The following ZNF518A variants were observed in gnomAD, a reference collection of about 807,000 sequenced individuals.
ZNF518A encodes zinc finger protein 518.
ZNF518A carries 47 observed loss-of-function variants against 102.7 expected under a neutral mutation model. The observed-to-expected ratio is 0.46, with a 90% CI of 0.36 to 0.58. The LOEUF (loss-of-function observed/expected upper bound fraction) is 0.58. Among genes scored for constraint, ZNF518A ranks in the 20% least tolerant of loss-of-function variants. The pLI is 0.00. For missense variants in ZNF518A, 1,793 were observed against 1,699.8 expected (o/e 1.05, Z -0.96); for synonymous variants, 652 against 594.6 (o/e 1.10, Z -1.40).
intron 1 of ZNF518A, among the ~76,000 whole-genome samples, chr10:96,184,903 G>A (rs1283521482): frequency 6.6e-6 from 1 of 152,140 alleles, no homozygotes; most frequent in African/African-American, 2.4e-5. Context: ...GTGTCTTCCA[G>A]CTAGGTTCCA....
chr10:96,204,390 T>C, downstream of ZNF518A: 1 of 1,015,192 alleles, frequency 9.9e-7, no homozygotes, highest in South Asian at 1.3e-5. Flanking sequence ...GCTCAACACC[T>C]TTTAACACGT....
At chr10:96,138,782 G>C (rs1027443061) in intron 3 of ZNF518A, among the ~76,000 whole-genome samples, 1 of 152,136 alleles carries the variant, frequency 6.6e-6, no homozygotes, top group Non-Finnish European at 1.5e-5. Flanking sequence ...ACATGCTGGT[G>C]ATGTAGTAAA....
At chr10:96,188,355 C>G (rs187492363) in intron 1 of ZNF518A, among the ~76,000 whole-genome samples, 14 of 152,250 alleles carry the variant, frequency 9.2e-5, no homozygotes, top group Middle Eastern at 3.4e-3. Context: ...AGCCTCTGCT[C>G]CAAGAAATCC....
Position 96,158,293 on chromosome 10 carries a change from A to G in ZNF518A, c.1971A>G (p.Thr657=), listed in dbSNP as rs782719244. The G allele has an allele frequency of 5.0e-6, 8 of 1,613,720 alleles. No homozygotes were observed. The highest frequency in any genetic ancestry group is 1.6e-4 in the Middle Eastern group (1 of 6,062). ...ATAAACGTCGTAGGTTTTCAGGAACAGCAGTGTATGAAAACCCTCAAAGAG... is the reference window on the plus strand; with the variant it reads ...ATAAACGTCGTAGGTTTTCAGGAACGGCAGTGTATGAAAACCCTCAAAGAG... ...NSNKRRRFSG[T]AVYENPQRES... Residue 657 remains threonine, a synonymous_variant, in exon 6 of 6, where the codon ACA becomes ACG. Coordinates refer to ENST00000316045, the MANE Select transcript of ZNF518A (RefSeq NM_001330736.2).
At chr10:96,184,262 C>T (rs2083257903) in intron 1 of ZNF518A, among the ~76,000 whole-genome samples, 1 of 151,790 alleles carries the variant, frequency 6.6e-6, no homozygotes, top group Admixed American at 6.6e-5. Flanking sequence ...TCCAATTTGC[C>T]AGTCTGTGTC....
intron 3 of ZNF518A, among the ~76,000 whole-genome samples, chr10:96,140,672 T>G (rs2081873463): frequency 6.6e-6 from 1 of 152,088 alleles, no homozygotes; most frequent in Admixed American, 6.6e-5. Flanking sequence ...GGCTTATGTC[T>G]GTAGTCTCAG....
At chr10:96,177,042 G>T (rs1554891555) in intron 1 of ZNF518A, among the ~76,000 whole-genome samples, 1 of 147,020 alleles carries the variant, frequency 6.8e-6, no homozygotes, top group East Asian at 2.0e-4. Flanking sequence ...ATGCCACACT[G>T]CACTCCAGCC....
In ZNF518A at chr10:96,160,183, A is replaced by T. The variant is rs782455632; in HGVS notation, c.3861A>T (p.Glu1287Asp). The change falls in exon 6 of 6, where the codon GAA becomes GAT. Residue 1287 changes from glutamate (E) to aspartate (D), a missense_variant. Transcript: ENST00000316045. ...GAAAGTGTAGGGATAGTTACCAAGAACCTCCAAGAAGAAAAGCAACATTGC... is the reference window on the plus strand; with the variant it reads ...GAAAGTGTAGGGATAGTTACCAAGATCCTCCAAGAAGAAAAGCAACATTGC... ...CKRKCRDSYQ[E>D]PPRRKATLHR... The T allele has an allele frequency of 9.3e-6, 15 of 1,609,010 alleles. No individual in the cohort carries two copies. Among genetic ancestry groups the T allele is most frequent in the South Asian group, 4.4e-5 (4 of 90,246 alleles).
intron 1 of ZNF518A, among the ~76,000 whole-genome samples, chr10:96,187,136 T>C (rs1372522230): frequency 6.6e-6 from 1 of 152,224 alleles, no homozygotes; most frequent in Admixed American, 6.5e-5. Context: ...AGAGAAAATA[T>C]TTGAGATTTT....
intron 3 of ZNF518A, among the ~76,000 whole-genome samples, chr10:96,154,264 G>T (rs2082588697): frequency 1.3e-5 from 2 of 152,294 alleles, no homozygotes; most frequent in South Asian, 4.1e-4. Flanking sequence ...AGCCTGGGGA[G>T]GTCAAGCCTG....
intron 1 of ZNF518A, among the ~76,000 whole-genome samples, chr10:96,179,815 T>TCTCTTTCTCCTTCTCCTCCTC (rs2083228023): frequency 6.6e-6 from 1 of 150,700 alleles, no homozygotes; most frequent in Admixed American, 6.6e-5. Context: ...CTCTCCTCCT[T>TCTCTTTCTCCTTCTCCTCCTC]CTCTTTCTCC....
In ZNF518A at chr10:96,160,865, AG is replaced by A. The variant is rs2082972792; in HGVS notation, c.*92del. On this transcript the variant is annotated 3_prime_UTR_variant, in exon 6 of 6. Coordinates refer to ENST00000316045, the MANE Select transcript of ZNF518A (RefSeq NM_001330736.2). Reference sequence around the variant, plus strand: ...CCATAATGCAGACATTTTCTACTTCAGTATAGTACCTGAAATCGAACATTTT... The same window carrying A: ...CCATAATGCAGACATTTTCTACTTCATATAGTACCTGAAATCGAACATTTT... 5 of 1,288,046 alleles carry A rather than the reference AG, an allele frequency of 3.9e-6. No homozygotes were observed. Among genetic ancestry groups the A allele is most frequent in the Non-Finnish European group, 5.1e-6 (5 of 972,802 alleles). 79.8% of individuals were successfully genotyped at this position (1,288,046 alleles called of 1,614,324 possible). A position where few individuals can be genotyped will look rare whatever the true frequency, so the allele number is the denominator to read the frequency against.
intron 1 of ZNF518A, among the ~76,000 whole-genome samples, chr10:96,199,038 T>A (rs1272901767): frequency 1.3e-5 from 2 of 152,214 alleles, no homozygotes; most frequent in Non-Finnish European, 2.9e-5. Flanking sequence ...CAGGGAATAA[T>A]GTAAACACGA....
chr10:96,155,107 A>G (rs1554881736), intron 3 of ZNF518A, among the ~76,000 whole-genome samples: 1 of 152,208 alleles, frequency 6.6e-6, no homozygotes, highest in Non-Finnish European at 1.5e-5. Flanking sequence ...TTCTAATAAT[A>G]CAGTTTGATA....
intron 1 of ZNF518A, among the ~76,000 whole-genome samples, chr10:96,170,038 C>T (rs1165159257): frequency 1.3e-5 from 2 of 152,236 alleles, no homozygotes; most frequent in African/African-American, 2.4e-5. Flanking sequence ...AGGTGGCTTA[C>T]AACTCTGCCT....
downstream of ZNF518A, among the ~76,000 whole-genome samples, chr10:96,166,482 C>T (rs1489750301): frequency 6.6e-6 from 1 of 152,072 alleles, no homozygotes; most frequent in African/African-American, 2.4e-5. Context: ...AAGAAAGGAT[C>T]AGGGAGGCCA....
At chr10:96,181,985 C>T (rs1410972533) in intron 1 of ZNF518A, among the ~76,000 whole-genome samples, 2 of 152,126 alleles carry the variant, frequency 1.3e-5, no homozygotes, top group Non-Finnish European at 2.9e-5. Flanking sequence ...AATGTTCTTC[C>T]ATTTGTTTGT....
At chr10:96,180,755 T>C (rs1184237184) in intron 1 of ZNF518A, among the ~76,000 whole-genome samples, 2 of 152,232 alleles carry the variant, frequency 1.3e-5, no homozygotes, top group African/African-American at 4.8e-5. Flanking sequence ...TGATGGACAT[T>C]TGGGTTGGTT....
At chr10:96,134,788 G>T (rs1554873806) in intron 3 of ZNF518A, among the ~76,000 whole-genome samples, 2 of 152,210 alleles carry the variant, frequency 1.3e-5, no homozygotes, top group Admixed American at 1.3e-4. Context: ...GAAGGTACAT[G>T]ATGTGAAGTT....
Sources: allele counts gnomAD v4.1 joint callset (sites outside exome capture counted in the v4.1 genomes callset), GRCh38; gene constraint gnomAD v4.1.1; transcripts MANE v1.5; gene names NCBI Gene and HGNC (gene_info 2026-07-23, HGNC 2026-07-21).